The following CSMD1 variants were observed in gnomAD, a reference collection of about 807,000 sequenced individuals.
CSMD1 encodes CUB and Sushi multiple domains 1, also known as CUB and sushi domain-containing protein 1.
Under a neutral mutation model 417.5 loss-of-function variants are expected in CSMD1, and 213 were observed. The ratio of observed to expected loss-of-function variants is 0.51; its 90% CI spans 0.46 to 0.57. The LOEUF (loss-of-function observed/expected upper bound fraction) is 0.57. Ranked by LOEUF, CSMD1 falls within the 20% of genes least tolerant of loss-of-function variation. CSMD1 has a pLI of 0.00. For synonymous variants in CSMD1, 2,862 were observed against 1,736.8 expected, an observed-to-expected ratio of 1.65 and a Z score of -16.11; for missense variants, 6,923 against 4,529.7, an observed-to-expected ratio of 1.53 and a Z score of -15.17.
chr8:3,155,359 A>AGTTTTTTTTTTTTTTT (rs1819453067), intron 39 of CSMD1, among the ~76,000 whole-genome samples: 1 of 43,316 alleles, frequency 2.3e-5, no homozygotes, highest in African/African-American at 7.0e-5. Flanking sequence ...CAAGGCTGGG[A>AGTTTTTTTTTTTTTTT]TTTTTTTTTT....
rs1563362209 is a variant in CSMD1, at chr8:3,412,016, A to ATACGTG, written c.1562-2412_1562-2411insCACGTA. ...CGTGTATATACACGTATATATATAC[A>ATACGTG]TATACACACGTATATATACACATAT... On this transcript the variant is annotated intron_variant, in intron 12 of 69. Coordinates refer to ENST00000635120, the MANE Select transcript of CSMD1 (RefSeq NM_033225.6). Among the ~76,000 whole-genome samples the ATACGTG allele has an allele frequency of 3.3e-4, 3 of 9,178 alleles. 1 individual carries two copies. Among genetic ancestry groups the ATACGTG allele is most frequent in the African/African-American group, 1.2e-3 (3 of 2,582 alleles). 6.0% of individuals were successfully genotyped at this position (9,178 alleles called of 152,430 possible).
intron 3 of CSMD1, among the ~76,000 whole-genome samples, chr8:4,286,672 T>A (rs1053649439): frequency 6.6e-6 from 1 of 152,130 alleles, no homozygotes; most frequent in Non-Finnish European, 1.5e-5. Flanking sequence ...ATCATACTGA[T>A]TTTGTAGGGC....
In CSMD1 at chr8:3,753,993, G is replaced by C; in HGVS notation, c.868C>G (p.Leu290Val). 6.2e-7 allele frequency: 1 copy of C among 1,612,978 alleles called. No individual in the cohort carries two copies. The highest frequency in any genetic ancestry group is 1.3e-5 in the African/African-American group (1 of 74,874). ...PSPVISSKNW[L>V]RLHFTSDSNH... is the part of the protein sequence containing the mutation. ...CTGTCAGAGGTGAAATGGAGTCGTA[G>C]CCAATTCTTGCTACTGATAACTGGA... is the stretch of plus-strand genomic sequence containing the variant. The change falls in exon 6 of 70, where the codon CTA (leucine) becomes GTA (valine). Residue 290 changes from leucine to valine, a missense_variant. Physicochemically the swap from Leu to Val is conservative, Grantham distance 32. Transcript: ENST00000635120.
At chr8:4,514,213 G>T (rs1259326875) in intron 2 of CSMD1, among the ~76,000 whole-genome samples, 1 of 152,090 alleles carries the variant, frequency 6.6e-6, no homozygotes, top group Non-Finnish European at 1.5e-5. Flanking sequence ...GGCAGAGTAG[G>T]GGATGGGGAG....
At chr8:4,518,718 A>T (rs1803262641) in intron 2 of CSMD1, among the ~76,000 whole-genome samples, 1 of 152,108 alleles carries the variant, frequency 6.6e-6, no homozygotes. Context: ...ATACATATGT[A>T]ACTAACCTGC....
intron 3 of CSMD1, among the ~76,000 whole-genome samples, chr8:4,363,574 C>T (rs1312908737): frequency 1.3e-5 from 2 of 152,142 alleles, no homozygotes; most frequent in African/African-American, 2.4e-5. Context: ...AACAGGAGCG[C>T]CATCTGCCTG....
chr8:4,103,559 T>G (rs1801413668), intron 3 of CSMD1, among the ~76,000 whole-genome samples: 1 of 151,974 alleles, frequency 6.6e-6, no homozygotes, highest in Non-Finnish European at 1.5e-5. Context: ...TGCATCAAAG[T>G]TTGATACGAT....
At chr8:3,629,030 T>A (rs1313095883) in intron 7 of CSMD1, among the ~76,000 whole-genome samples, 1 of 152,040 alleles carries the variant, frequency 6.6e-6, no homozygotes, top group Non-Finnish European at 1.5e-5. Context: ...AACCTTTGCT[T>A]CAAGGAATTC....
At chr8:4,230,435 A>AACATAT (rs1347908390) in intron 3 of CSMD1, among the ~76,000 whole-genome samples, 1 of 152,202 alleles carries the variant, frequency 6.6e-6, no homozygotes, top group Non-Finnish European at 1.5e-5. Flanking sequence ...CCTGTGACTT[A>AACATAT]ACATATTTAT....
chr8:3,511,255 A>C (rs961913865), intron 10 of CSMD1, among the ~76,000 whole-genome samples: 3 of 151,800 alleles, frequency 2.0e-5, no homozygotes, highest in Non-Finnish European at 4.4e-5. Flanking sequence ...GGGAATGAAT[A>C]GCATTAGGAG....
chr8:3,404,085 C>A (rs1329104814), intron 15 of CSMD1, among the ~76,000 whole-genome samples: 1 of 152,108 alleles, frequency 6.6e-6, no homozygotes, highest in Non-Finnish European at 1.5e-5. Flanking sequence ...ATACTATAAA[C>A]AGGACCTGGT....
chr8:4,546,525 G>A (rs927912399), intron 2 of CSMD1, among the ~76,000 whole-genome samples: 4 of 152,142 alleles, frequency 2.6e-5, no homozygotes, highest in Non-Finnish European at 4.4e-5. Context: ...CTTTTCCAGA[G>A]CTGGGACCTC....
At chr8:3,720,986 A>ACT (rs1563309083) in intron 6 of CSMD1, among the ~76,000 whole-genome samples, 1 of 151,114 alleles carries the variant, frequency 6.6e-6, no homozygotes, top group African/African-American at 2.4e-5. Flanking sequence ...CGGCTAATTT[A>ACT]TTTTTTTTGT....
intron 3 of CSMD1, among the ~76,000 whole-genome samples, chr8:4,218,874 T>G (rs1183677697): frequency 6.6e-6 from 1 of 152,190 alleles, no homozygotes. Context: ...ACCTCCTATT[T>G]TCATAGCAAA....
At chr8:4,565,698 G>A (rs113210417) in intron 2 of CSMD1, among the ~76,000 whole-genome samples, 3,428 of 147,630 alleles carry the variant, frequency 0.023, 59 homozygotes, top group African/African-American at 0.046. Context: ...TTGTGCCATT[G>A]CACTCCAGCC....
At chr8:3,627,256 G>T (rs1270758426) in intron 7 of CSMD1, among the ~76,000 whole-genome samples, 1 of 152,148 alleles carries the variant, frequency 6.6e-6, no homozygotes, top group African/African-American at 2.4e-5. Flanking sequence ...CTTCTGTGCA[G>T]CTGTTCATGC....
intron 7 of CSMD1, among the ~76,000 whole-genome samples, chr8:3,705,497 G>A (rs1801118020): frequency 6.6e-6 from 1 of 152,152 alleles, no homozygotes; most frequent in South Asian, 2.1e-4. Flanking sequence ...TAATTCCCTG[G>A]CCACTGCTGT....
intron 25 of CSMD1, among the ~76,000 whole-genome samples, chr8:3,285,465 C>A (rs56064060): frequency 6.6e-6 from 1 of 151,698 alleles, no homozygotes; most frequent in South Asian, 2.1e-4. Flanking sequence ...TGGCTCACTG[C>A]AACCTCTACT....
chr8:4,458,253 G>A (rs148448323), intron 2 of CSMD1, among the ~76,000 whole-genome samples: 2 of 152,022 alleles, frequency 1.3e-5, no homozygotes, highest in African/African-American at 2.4e-5. Context: ...AATGGTTGCA[G>A]AGTAACCACA....
Sources: gnomAD v4.1 joint callset for allele counts (sites outside exome capture counted in the v4.1 genomes callset) on GRCh38, gnomAD v4.1.1 for gene constraint, MANE v1.5 for transcripts, NCBI Gene and HGNC (gene_info 2026-07-23, HGNC 2026-07-21) for gene names.